DYNC2LI1: variants seen among roughly 807,000 people sequenced by gnomAD.
The protein encoded by DYNC2LI1 is dynein cytoplasmic 2 light intermediate chain 1.
In DYNC2LI1, 45 loss-of-function variants were observed where a neutral mutation model predicts 51.9. That is an observed-to-expected ratio of 0.87 (90% CI 0.68 to 1.11). The LOEUF (loss-of-function observed/expected upper bound fraction) is 1.11, where lower values mean the gene tolerates loss of function less well. Ranked by LOEUF, DYNC2LI1 falls within the 50% of genes most tolerant of loss-of-function variation. DYNC2LI1 has a pLI of 0.00. For missense variants in DYNC2LI1, 490 were observed against 417.4 expected, an observed-to-expected ratio of 1.17 and a Z score of -1.51; for synonymous variants, 130 against 137.8, an observed-to-expected ratio of 0.94 and a Z score of 0.40.
At chr2:43,825,724 A>G in the DYNC2LI1 span, among the ~76,000 whole-genome samples, 2 of 151,572 alleles carry the variant, frequency 1.3e-5, no homozygotes, top group South Asian at 2.1e-4. Flanking sequence ...CTCCTGCCTC[A>G]GCTTCCCGAA....
At chr2:43,785,404 C>T (rs1394986796) in intron 3 of DYNC2LI1, among the ~76,000 whole-genome samples, 4 of 151,870 alleles carry the variant, frequency 2.6e-5, no homozygotes, top group Middle Eastern at 3.4e-3. Context: ...AACCTTGAGG[C>T]ATTATGCTAA....
the DYNC2LI1 span, chr2:43,822,802 G>A: frequency 6.2e-7 from 1 of 1,614,136 alleles, no homozygotes; most frequent in Non-Finnish European, 8.5e-7. Flanking sequence ...CTCACCAGTA[G>A]CACACACTGC....
intron 12 of DYNC2LI1, among the ~76,000 whole-genome samples, chr2:43,806,417 G>T (rs968748995): frequency 3.3e-5 from 5 of 152,138 alleles, no homozygotes; most frequent in Non-Finnish European, 5.9e-5. Flanking sequence ...GGGGGCTGTT[G>T]GAGAAGTAAG....
chr2:43,822,499 T>A, the DYNC2LI1 span: 1 of 494,422 alleles, frequency 2.0e-6, no homozygotes, highest in Non-Finnish European at 2.5e-6. Flanking sequence ...TGCACCTGGG[T>A]CCTAGCTACT....
downstream of DYNC2LI1, among the ~76,000 whole-genome samples, chr2:43,813,938 C>T (rs1666652223): frequency 1.3e-5 from 2 of 151,756 alleles, no homozygotes; most frequent in Non-Finnish European, 2.9e-5. Flanking sequence ...AGGCTGGTCT[C>T]GAACTCTTGA....
intron 5 of DYNC2LI1, chr2:43,792,992 C>T (rs1673860655): frequency 4.3e-6 from 2 of 460,316 alleles, no homozygotes; most frequent in South Asian, 5.0e-5. Flanking sequence ...AAATCTCTTC[C>T]TTCAGTTCTT....
chr2:43,809,108 A>T (rs118059655), intron 12 of DYNC2LI1, among the ~76,000 whole-genome samples: 3,108 of 151,588 alleles, frequency 0.021, 74 homozygotes, highest in African/African-American at 0.058. Flanking sequence ...CCCACCTCAG[A>T]CTCCCAAGTA....
chr2:43,794,938 A>T, intron 6 of DYNC2LI1: 1 of 1,305,734 alleles, frequency 7.7e-7, no homozygotes, highest in Non-Finnish European at 9.7e-7. Context: ...TAATCTCTGT[A>T]AAAATGAAGA....
downstream of DYNC2LI1, chr2:43,813,440 A>ATTCC: frequency 1.4e-6 from 1 of 717,434 alleles, no homozygotes. Flanking sequence ...CAGAGTTTAC[A>ATTCC]ATTTGATGAA....
chr2:43,819,106 C>T, the DYNC2LI1 span, among the ~76,000 whole-genome samples: 2 of 152,156 alleles, frequency 1.3e-5, no homozygotes, highest in African/African-American at 4.8e-5. Flanking sequence ...AGTAGATGCT[C>T]AGTAATGCTT....
intron 6 of DYNC2LI1, 185 bp downstream of exon 6, chr2:43,794,828 T>C: frequency 6.9e-7 from 1 of 1,454,964 alleles, no homozygotes; most frequent in South Asian, 1.5e-5. Flanking sequence ...AGGAAGAAGA[T>C]TCCTTATATC....
the DYNC2LI1 span, chr2:43,824,926 G>A: frequency 6.2e-7 from 1 of 1,614,072 alleles, no homozygotes; most frequent in Non-Finnish European, 8.5e-7. Context: ...CAGGACAAGG[G>A]TAACCGCAGT....
chr2:43,804,481 C>T (rs1239107426), intron 10 of DYNC2LI1, among the ~76,000 whole-genome samples, 161 bp from the exon 11 acceptor site: 1 of 152,118 alleles, frequency 6.6e-6, no homozygotes, highest in African/African-American at 2.4e-5. Context: ...TCCCAGTGAC[C>T]TTGCTATGCT....
the DYNC2LI1 span, chr2:43,822,869 A>G: frequency 1.2e-6 from 2 of 1,614,186 alleles, no homozygotes; most frequent in African/African-American, 1.3e-5. Flanking sequence ...ATAGGCCAGC[A>G]TCATCTGCCA....
downstream of DYNC2LI1, chr2:43,814,516 G>C (rs746277612): frequency 4.4e-6 from 7 of 1,608,978 alleles, no homozygotes; most frequent in Middle Eastern, 3.3e-4. Flanking sequence ...TTGACTACAA[G>C]AATCTCACTG....
the DYNC2LI1 span, chr2:43,827,894 T>C: frequency 6.3e-7 from 1 of 1,576,540 alleles, no homozygotes; most frequent in Admixed American, 1.8e-5. Context: ...CCTTTCCAAA[T>C]GAGGACCGTG....
intron 8 of DYNC2LI1, among the ~76,000 whole-genome samples, chr2:43,797,710 G>A (rs1291298209): frequency 6.6e-6 from 1 of 151,494 alleles, no homozygotes; most frequent in Non-Finnish European, 1.5e-5. Context: ...AATAGAGATG[G>A]GGTTTCACTA....
At chr2:43,790,231 A>C (rs945004522) in intron 5 of DYNC2LI1, among the ~76,000 whole-genome samples, 1 of 152,248 alleles carries the variant, frequency 6.6e-6, no homozygotes, top group Non-Finnish European at 1.5e-5. Flanking sequence ...ACTTAGAGGA[A>C]AACCTCAAAA....
At chr2:43,822,699 G>C in the DYNC2LI1 span, 3 of 1,510,056 alleles carry the variant, frequency 2.0e-6, no homozygotes, top group Non-Finnish European at 2.7e-6. Context: ...AGATCCTCCA[G>C]AGCAGAGAAC....
Sources: gnomAD v4.1 joint callset for allele counts (sites outside exome capture counted in the v4.1 genomes callset) on GRCh38, gnomAD v4.1.1 for gene constraint, MANE v1.5 for transcripts, NCBI Gene and HGNC (gene_info 2026-07-23, HGNC 2026-07-21) for gene names.